Variants in ZNF761 observed in about 807,000 individuals in gnomAD.
The protein encoded by ZNF761 is zinc finger protein 761.
Under a neutral mutation model 59.9 loss-of-function variants are expected in ZNF761, and 43 were observed. That is an observed-to-expected ratio of 0.72 (90% confidence interval 0.56 to 0.92). The LOEUF (loss-of-function observed/expected upper bound fraction) is 0.92, where lower values mean the gene tolerates loss of function less well. Ranked by LOEUF, ZNF761 falls within the 40% of genes least tolerant of loss-of-function variation. ZNF761 has a pLI of 0.00. For missense variants in ZNF761, 850 were observed against 906.1 expected, an observed-to-expected ratio of 0.94 and a Z score of 0.79; for synonymous variants, 294 against 304.8, an observed-to-expected ratio of 0.96 and a Z score of 0.37.
intron 1 of ZNF761, among the ~76,000 whole-genome samples, chr19:53,437,499 A>G (rs1164071420): frequency 1.3e-5 from 2 of 152,050 alleles, no homozygotes; most frequent in Non-Finnish European, 2.9e-5. Context: ...GCACACCAGG[A>G]TCTTTGATTT....
At chr19:53,437,444 G>A (rs1424232010) in intron 1 of ZNF761, among the ~76,000 whole-genome samples, 2 of 152,278 alleles carry the variant, frequency 1.3e-5, no homozygotes, top group African/African-American at 4.8e-5. Context: ...GTCTCCTATA[G>A]AAGAACTTCT....
intron 1 of ZNF761, among the ~76,000 whole-genome samples, chr19:53,441,166 T>C (rs6509767): frequency 0.69 from 104,449 of 151,956 alleles, 36,324 homozygotes; most frequent in South Asian, 0.76. Context: ...CCTGTAGTCA[T>C]AGCTACTGGG....
intron 2 of ZNF761, among the ~76,000 whole-genome samples, chr19:53,446,694 A>C (rs12151321): frequency 0.31 from 44,570 of 144,410 alleles, 7,604 homozygotes; most frequent in South Asian, 0.56. Flanking sequence ...TTTTTCGTAG[A>C]GACAGGGTTT....
At position 53,457,454 on chromosome 19, in the gene ZNF761, G is replaced by T; in HGVS notation, c.*706G>T. On this transcript the variant is annotated 3_prime_UTR_variant, in exon 5 of 5. Coordinates refer to ENST00000684525, the MANE Select transcript of ZNF761 (RefSeq NM_001289951.2). ...AAAGCCTTCACTTCACACCTCATGA[G>T]ACATCAGAGAATGCATACTGGACAG... is the stretch of plus-strand genomic sequence containing the variant. 2.5e-6 allele frequency: 1 copy of T among 406,074 alleles called. No homozygotes were observed. 25.2% of individuals were successfully genotyped at this position (406,074 alleles called of 1,614,324 possible). A position where few individuals can be genotyped will look rare whatever the true frequency, so the allele number is the denominator to read the frequency against.
At chr19:53,441,437 G>A (rs555492129) in intron 1 of ZNF761, among the ~76,000 whole-genome samples, 1 of 115,112 alleles carries the variant, frequency 8.7e-6, no homozygotes, top group African/African-American at 3.1e-5. Flanking sequence ...GTTAGTTTCG[G>A]GTTTTTTTGT....
At position 53,447,294 on chromosome 19, in the gene ZNF761, AT is replaced by A. The variant is rs757890882; in HGVS notation, c.15+15del. ...ATGGCTTTTTCTCAGGTGAGATGAT[AT>A]TTTCAGTGGATTGTTCTGTCTCCTT... On this transcript the variant is annotated intron_variant, in intron 3 of 4. Transcript: ENST00000684525. The A allele has an allele frequency of 3.1e-6, 5 of 1,612,918 alleles. No homozygotes were observed. The highest frequency in any genetic ancestry group is 4.2e-6 in the Non-Finnish European group (5 of 1,179,464).
intron 3 of ZNF761, among the ~76,000 whole-genome samples, chr19:53,448,938 A>G (rs574369022): frequency 6.6e-6 from 1 of 152,286 alleles, no homozygotes; most frequent in East Asian, 1.9e-4. Flanking sequence ...GTGCCCAGCC[A>G]GATTTTAGTT....
At chr19:53,447,089 G>C in intron 2 of ZNF761, 107 bp from the exon 3 acceptor site, 1 of 661,468 alleles carries the variant, frequency 1.5e-6, no homozygotes, top group Non-Finnish European at 2.4e-6. Flanking sequence ...GTGGGCAGCA[G>C]ACGGGACCAT....
rs575763111 is a variant in ZNF761 at position 53,432,238 on chromosome 19, C to T, written c.-185+210C>T. Among the ~76,000 whole-genome samples the T allele has an allele frequency of 6.6e-5, 10 of 152,316 alleles. 1 individual carries two copies. In the South Asian group the frequency reaches 1.9e-3, roughly 28 times the overall value. ...GGTCCCGTCCCGGGTGTTTCTGCTACAGGGCAATGTATACACTTTCTAACC... is the reference window on the plus strand; with the variant it reads ...GGTCCCGTCCCGGGTGTTTCTGCTATAGGGCAATGTATACACTTTCTAACC... On this transcript the variant is annotated intron_variant, in intron 1 of 4. Coordinates refer to ENST00000684525, the MANE Select transcript of ZNF761 (RefSeq NM_001289951.2).
In ZNF761 at chr19:53,456,137, C is replaced by T. The variant is rs2086267970; in HGVS notation, c.1630C>T (p.His544Tyr). 1.2e-6 allele frequency: 2 copies of T among 1,613,400 alleles called. No homozygotes were observed. Among genetic ancestry groups the T allele is most frequent in the Admixed American group, 1.7e-5 (1 of 59,946 alleles). The change falls in exon 5 of 5, where the codon CAT (histidine) becomes TAT (tyrosine). Residue 544 changes from histidine (H) to tyrosine (Y), a missense_variant. Physicochemically the swap from His to Tyr is moderately conservative, Grantham distance 83. Coordinates refer to ENST00000684525, the MANE Select transcript of ZNF761 (RefSeq NM_001289951.2). ...KSSLTCHRRL[H>Y]SGEKPYKCKE... ...ATCCCTTACCTGCCATCGTAGACTT[C>T]ATTCTGGAGAGAAACCTTACAAGTG...
At chr19:53,441,215 G>C (rs779040864) in intron 1 of ZNF761, among the ~76,000 whole-genome samples, 15 of 152,154 alleles carry the variant, frequency 9.9e-5, no homozygotes, top group Non-Finnish European at 2.1e-4. Context: ...TTGGGAGGTA[G>C]TGGTTGCAGT....
chr19:53,453,014 A>G (rs1253080290), intron 4 of ZNF761, among the ~76,000 whole-genome samples: 1 of 152,156 alleles, frequency 6.6e-6, no homozygotes, highest in African/African-American at 2.4e-5. Flanking sequence ...TCTGTGTTTT[A>G]TATTTTGTGC....
chr19:53,456,768 A>C lies in ZNF761; in HGVS notation c.*20A>C, dbSNP rs1204302922. 2 of 1,610,904 alleles carry C rather than the reference A, an allele frequency of 1.2e-6. No homozygotes were observed. The highest frequency in any genetic ancestry group is 8.5e-7 in the Non-Finnish European group (1 of 1,177,642). On this transcript the variant is annotated 3_prime_UTR_variant, in exon 5 of 5. Transcript: ENST00000684525. ...GTGTAATGAATGTGGTGAGGTTTTT[A>C]ATCAACAAGCACACCTTGCAGGTCA...
intron 1 of ZNF761, among the ~76,000 whole-genome samples, chr19:53,434,268 C>T (rs1053642801): frequency 2.0e-5 from 3 of 152,108 alleles, no homozygotes; most frequent in East Asian, 1.9e-4. Context: ...CTATGTATTT[C>T]CTTATGTCTA....
intron 1 of ZNF761, chr19:53,442,022 G>C (rs901821623): frequency 1.9e-6 from 2 of 1,026,052 alleles, no homozygotes; most frequent in Middle Eastern, 3.0e-4. Flanking sequence ...CTCCGTGAAC[G>C]GTAGGATCCA....
intron 4 of ZNF761, among the ~76,000 whole-genome samples, chr19:53,450,817 C>T (rs537056237): frequency 1.3e-5 from 2 of 151,984 alleles, no homozygotes; most frequent in East Asian, 1.9e-4. Flanking sequence ...CCTAACATGG[C>T]GAAACTCCAT....
chr19:53,452,281 G>A (rs1185196683), intron 4 of ZNF761, among the ~76,000 whole-genome samples: 2 of 152,142 alleles, frequency 1.3e-5, no homozygotes, highest in Non-Finnish European at 2.9e-5. Flanking sequence ...TCAGGAGTTC[G>A]AGGCCAGCCT....
At chr19:53,437,989 A>C (rs1299360778) in intron 1 of ZNF761, among the ~76,000 whole-genome samples, 1 of 117,282 alleles carries the variant, frequency 8.5e-6, no homozygotes, top group Non-Finnish European at 1.9e-5. Context: ...CTCTTCCAGC[A>C]CAGAACTACT....
At chr19:53,432,112 C>G (rs1318323289) in intron 1 of ZNF761, 84 bp downstream of exon 1, 1 of 152,326 alleles carries the variant, frequency 6.6e-6, no homozygotes, top group East Asian at 1.9e-4. Context: ...CCCCACAAAC[C>G]TGGAAATTCT....
Sources: gnomAD v4.1 joint callset for allele counts (sites outside exome capture counted in the v4.1 genomes callset) on GRCh38, gnomAD v4.1.1 for gene constraint, MANE v1.5 for transcripts, NCBI Gene and HGNC (gene_info 2026-07-23, HGNC 2026-07-21) for gene names.